GPC5: variants seen among roughly 807,000 people sequenced by gnomAD.
GPC5 encodes glypican 5.
In GPC5, 47 loss-of-function variants were observed where a neutral mutation model predicts 53.9. That is an observed-to-expected ratio of 0.87 (90% CI 0.69 to 1.11). The LOEUF is 1.11. Among genes scored for constraint, GPC5 ranks in the 50% most tolerant of loss-of-function variants. GPC5 has a pLI of 0.00. For synonymous variants in GPC5, 286 were observed against 263.3 expected (o/e 1.09, Z -0.84); for missense variants, 748 against 713.1 (o/e 1.05, Z -0.56).
chr13:92,685,560 ATT>A lies in GPC5; in HGVS notation c.1562-180709_1562-180708del, dbSNP rs747173185. 1.2e-3 allele frequency among the ~76,000 whole-genome samples: 141 copies of A among 120,854 alleles called. 1 individual carries two copies. Among genetic ancestry groups the A allele is most frequent in the East Asian group, 6.0e-3 (22 of 3,668 alleles). The allele number at this position is 120,854 out of a possible 152,430, so 79.3% of individuals were successfully genotyped here. On this transcript the variant is annotated intron_variant, in intron 7 of 7. Transcript: ENST00000377067. ...ATTATGCTCATTTTTTTTTTTTTTA[ATT>A]TTTTTTTTTTTTATTATACTCTAAG...
chr13:92,551,483 C>A (rs998704469), intron 7 of GPC5, among the ~76,000 whole-genome samples: 1 of 151,696 alleles, frequency 6.6e-6, no homozygotes, highest in Non-Finnish European at 1.5e-5. Context: ...ATTTACTTTG[C>A]AAAAACAGAG....
chr13:92,338,254 C>T (rs57996016), intron 7 of GPC5, among the ~76,000 whole-genome samples: 87 of 152,118 alleles, frequency 5.7e-4, no homozygotes, highest in African/African-American at 1.7e-3. Context: ...CCAATATATA[C>T]GTATTAGAAT....
At chr13:92,536,242 C>T (rs1282546556) in intron 7 of GPC5, among the ~76,000 whole-genome samples, 1 of 152,066 alleles carries the variant, frequency 6.6e-6, no homozygotes, top group Non-Finnish European at 1.5e-5. Flanking sequence ...CTATCCATGT[C>T]AGCTACATTT....
rs1444938819 is a variant in GPC5 at position 92,659,403 on chromosome 13, T to A, written c.1562-206879T>A. Among the ~76,000 whole-genome samples the A allele has an allele frequency of 5.4e-4, 4 of 7,394 alleles. No individual in the cohort carries two copies. The Admixed American group carries it at 9.5e-3, about 18-fold the overall frequency. The allele number at this position is 7,394 out of a possible 152,430, so 4.9% of individuals were successfully genotyped here. On this transcript the variant is annotated intron_variant, in intron 7 of 7. Coordinates refer to ENST00000377067, the MANE Select transcript of GPC5 (RefSeq NM_004466.6). ...GTTGCCTTTTCATTTGGTTGACTTT[T>A]TTTTTTTTTTTTTTGCCTCTTCCAG...
At chr13:92,442,253 T>C (rs541134894) in intron 7 of GPC5, among the ~76,000 whole-genome samples, 2 of 152,290 alleles carry the variant, frequency 1.3e-5, no homozygotes, top group African/African-American at 4.8e-5. Flanking sequence ...ATTTATGAGA[T>C]AATATCCAAC....
At chr13:91,966,248 C>A (rs1022802053) in intron 6 of GPC5, among the ~76,000 whole-genome samples, 7 of 152,084 alleles carry the variant, frequency 4.6e-5, no homozygotes, top group Non-Finnish European at 1.0e-4. Context: ...TTTAACATTT[C>A]CCTTTAGACT....
At chr13:92,004,755 T>A (rs1392037138) in intron 6 of GPC5, among the ~76,000 whole-genome samples, 1 of 151,812 alleles carries the variant, frequency 6.6e-6, no homozygotes, top group Non-Finnish European at 1.5e-5. Context: ...TCTTACGTGG[T>A]GGCAGGCAAG....
At chr13:92,074,509 G>A (rs2041237415) in intron 6 of GPC5, among the ~76,000 whole-genome samples, 1 of 152,084 alleles carries the variant, frequency 6.6e-6, no homozygotes, top group Admixed American at 6.5e-5. Context: ...TTCCAACTTT[G>A]GCCACAACAT....
chr13:92,266,955 G>T (rs2042806446), intron 7 of GPC5, among the ~76,000 whole-genome samples: 1 of 151,776 alleles, frequency 6.6e-6, no homozygotes, highest in Admixed American at 6.6e-5. Flanking sequence ...GGTTTTTGAA[G>T]GTTCAATTTT....
chr13:92,819,152 T>C (rs1000846345), intron 7 of GPC5, among the ~76,000 whole-genome samples: 8 of 152,068 alleles, frequency 5.3e-5, no homozygotes, highest in Non-Finnish European at 1.0e-4. Context: ...TAAAGTTTCA[T>C]ATCCTGTTTA....
rs1033081089 is a variant in GPC5, at chr13:92,215,148, A to G, written c.1561+70159A>G. 7.3e-4 allele frequency among the ~76,000 whole-genome samples: 111 copies of G among 152,330 alleles called. 1 individual carries two copies. Among genetic ancestry groups the G allele is most frequent in the African/African-American group, 2.5e-3 (105 of 41,582 alleles). On this transcript the variant is annotated intron_variant, in intron 7 of 7. Coordinates refer to ENST00000377067, the MANE Select transcript of GPC5 (RefSeq NM_004466.6). ...GTAACAAAGTATTATGCTAGCAGGA[A>G]TAATTATATCCATGTGAAAAACAGG...
chr13:92,048,779 C>A (rs1024970408), intron 6 of GPC5, among the ~76,000 whole-genome samples: 1 of 152,096 alleles, frequency 6.6e-6, no homozygotes, highest in East Asian at 1.9e-4. Flanking sequence ...TGACACCGAG[C>A]AGTCACAATG....
intron 7 of GPC5, among the ~76,000 whole-genome samples, chr13:92,353,128 C>T (rs905276059): frequency 1.3e-5 from 2 of 151,238 alleles, no homozygotes; most frequent in African/African-American, 2.4e-5. Flanking sequence ...GGCGCGGTGG[C>T]GGGCGCCTGT....
intron 6 of GPC5, among the ~76,000 whole-genome samples, chr13:92,130,918 T>TGA (rs1436275937): frequency 6.6e-6 from 1 of 151,382 alleles, no homozygotes; most frequent in Non-Finnish European, 1.5e-5. Context: ...ATTCTAAAAA[T>TGA]GGCAAAAAAT....
chr13:91,669,909 G>C (rs564643149), intron 2 of GPC5, among the ~76,000 whole-genome samples: 1 of 152,164 alleles, frequency 6.6e-6, no homozygotes, highest in African/African-American at 2.4e-5. Context: ...TACATTGCTT[G>C]AATATCTAAA....
In GPC5 at chr13:92,822,974, G is replaced by GAA. The variant is rs5805765; in HGVS notation, c.1562-43298_1562-43297dup. ...TAGTAAGCACTTTTTGAGAAAGTGTGAAAAAAAAAAATCACGAGTGCCACA... is the reference window on the plus strand; with the variant it reads ...TAGTAAGCACTTTTTGAGAAAGTGTGAAAAAAAAAAAAATCACGAGTGCCACA... On this transcript the variant is annotated intron_variant, in intron 7 of 7. Coordinates refer to ENST00000377067, the MANE Select transcript of GPC5 (RefSeq NM_004466.6). 4.8e-5 allele frequency among the ~76,000 whole-genome samples: 7 copies of GAA among 145,332 alleles called. No individual in the cohort carries two copies. In the South Asian group the frequency reaches 8.6e-4, roughly 18 times the overall value.
chr13:92,735,279 T>A (rs1888907824), intron 7 of GPC5, among the ~76,000 whole-genome samples: 1 of 151,954 alleles, frequency 6.6e-6, no homozygotes, highest in Non-Finnish European at 1.5e-5. Context: ...CACAACATCA[T>A]CTCCATTTCC....
intron 7 of GPC5, among the ~76,000 whole-genome samples, chr13:92,412,779 C>T (rs1031165590): frequency 6.6e-6 from 1 of 152,098 alleles, no homozygotes; most frequent in African/African-American, 2.4e-5. Context: ...TAATACTTTA[C>T]CTCTCTACTG....
At chr13:92,273,761 GT>G (rs2042856227) in intron 7 of GPC5, among the ~76,000 whole-genome samples, 1 of 152,134 alleles carries the variant, frequency 6.6e-6, no homozygotes, top group South Asian at 2.1e-4. Context: ...AAAAGGAACA[GT>G]AAATCCAAGG....
Sources: allele counts gnomAD v4.1 joint callset (sites outside exome capture counted in the v4.1 genomes callset), GRCh38; gene constraint gnomAD v4.1.1; transcripts MANE v1.5; gene names NCBI Gene and HGNC (gene_info 2026-07-23, HGNC 2026-07-21).